KLHL20: variants seen among roughly 807,000 people sequenced by gnomAD.
KLHL20 encodes the protein kelch-like protein 20.
KLHL20 carries 29 observed loss-of-function variants against 69.5 expected under a neutral mutation model. The ratio of observed to expected loss-of-function variants is 0.42; its 90% CI spans 0.31 to 0.57. KLHL20 has a LOEUF of 0.57. KLHL20 is among the 20% of genes least tolerant of loss of function. The pLI, the probability that KLHL20 is intolerant of heterozygous loss-of-function variation, is 0.18. For missense variants in KLHL20, 419 were observed against 776.0 expected (o/e 0.54, Z 5.47); for synonymous variants, 253 against 265.2 (o/e 0.95, Z 0.45).
chr1:173,718,905 C>A (rs1368572949), intron 2 of KLHL20, among the ~76,000 whole-genome samples: 1 of 151,498 alleles, frequency 6.6e-6, no homozygotes, highest in Non-Finnish European at 1.5e-5. Flanking sequence ...GAGATCGAGA[C>A]CATCTTGGCT....
In KLHL20 at chr1:173,732,257, G is replaced by C. The variant is rs1270481523; in HGVS notation, c.24-1456G>C. Reference sequence around the variant, plus strand: ...TTAATCCCAGCTACTCAGGAGGACTGCTTGAGCCTAGGAGTTCAAGACCAG... The same window carrying C: ...TTAATCCCAGCTACTCAGGAGGACTCCTTGAGCCTAGGAGTTCAAGACCAG... On this transcript the variant is annotated intron_variant, in intron 2 of 11. Transcript: ENST00000209884. Among the ~76,000 whole-genome samples the C allele has an allele frequency of 2.0e-5, 3 of 151,420 alleles. No individual in the cohort carries two copies. In the East Asian group the frequency reaches 5.8e-4, roughly 29 times the overall value.
At chr1:173,778,070 C>CT (rs1648590736) in intron 10 of KLHL20, among the ~76,000 whole-genome samples, 3 of 151,284 alleles carry the variant, frequency 2.0e-5, no homozygotes, top group Admixed American at 6.6e-5. Context: ...ATTTTTTTTT[C>CT]TTTTTTTTAT....
intron 8 of KLHL20, among the ~76,000 whole-genome samples, chr1:173,774,057 T>G (rs993669643): frequency 2.0e-5 from 3 of 151,754 alleles, no homozygotes; most frequent in African/African-American, 7.3e-5. Flanking sequence ...TTATGTGAGC[T>G]GAAGTCATAG....
chr1:173,735,936 CTTTT>C (rs769632286), intron 3 of KLHL20, among the ~76,000 whole-genome samples: 14 of 105,978 alleles, frequency 1.3e-4, no homozygotes, highest in Non-Finnish European at 2.2e-4. Flanking sequence ...GCCATTCTAT[CTTTT>C]TTTTTTTTTT....
chr1:173,747,983 G>A (rs1207786621), intron 3 of KLHL20, among the ~76,000 whole-genome samples: 1 of 150,922 alleles, frequency 6.6e-6, no homozygotes, highest in Non-Finnish European at 1.5e-5. Flanking sequence ...AAATGAAAGA[G>A]AAGATATCAC....
chr1:173,756,123 ATATT>A, intron 6 of KLHL20, 85 bp downstream of exon 6: 1 of 918,342 alleles, frequency 1.1e-6, no homozygotes, highest in Non-Finnish European at 1.7e-6. Flanking sequence ...GACAATTATG[ATATT>A]TACTGTCATA....
At chr1:173,730,663 C>T (rs1672225741) in intron 2 of KLHL20, among the ~76,000 whole-genome samples, 1 of 152,210 alleles carries the variant, frequency 6.6e-6, no homozygotes, top group African/African-American at 2.4e-5. Context: ...AACTGGCTAG[C>T]TGTATGTAGA....
intron 2 of KLHL20, among the ~76,000 whole-genome samples, chr1:173,719,408 C>T (rs373093307): frequency 4.0e-5 from 6 of 151,858 alleles, no homozygotes; most frequent in East Asian, 1.9e-4. Context: ...GTCAAGAGAT[C>T]GAGACCATCC....
chr1:173,739,180 C>T (rs1173964301), intron 3 of KLHL20, among the ~76,000 whole-genome samples: 1 of 152,056 alleles, frequency 6.6e-6, no homozygotes, highest in Non-Finnish European at 1.5e-5. Context: ...TCAAGCGATT[C>T]TCCTGCCTTA....
At position 173,722,414 on chromosome 1, in the gene KLHL20, G is replaced by A. The variant is rs6661829; in HGVS notation, c.23+6348G>A. On this transcript the variant is annotated intron_variant, in intron 2 of 11. Transcript: ENST00000209884. Reference sequence around the variant, plus strand: ...AGGCAGGAGGATCACTTGAGGCCAGGAGTTCTAGACCAGCCTGGGAAACAG... The same window carrying A: ...AGGCAGGAGGATCACTTGAGGCCAGAAGTTCTAGACCAGCCTGGGAAACAG... Among the ~76,000 whole-genome samples the A allele has an allele frequency of 9.2e-3, 1,398 of 152,048 alleles. 20 individuals carry two copies. The highest frequency in any genetic ancestry group is 0.031 in the African/African-American group (1,271 of 41,498).
Position 173,782,218 on chromosome 1 carries a change from C to T in KLHL20, c.1733C>T (p.Ala578Val). The change falls in exon 11 of 12, where the codon GCC becomes GTC. Residue 578 changes from alanine (A) to valine (V), a missense_variant. Ala to Val is a moderately conservative substitution (Grantham distance 64). Coordinates refer to ENST00000209884, the MANE Select transcript of KLHL20 (RefSeq NM_014458.4). ...LKTIEVFDPD[A>V]NTWRLYGGMN... Reference sequence around the variant, plus strand: ...ACCATAGAAGTTTTTGATCCTGATGCCAATACATGGAGGTAACTTTTAAGC... The same window carrying T: ...ACCATAGAAGTTTTTGATCCTGATGTCAATACATGGAGGTAACTTTTAAGC... The T allele has an allele frequency of 6.2e-7, 1 of 1,612,298 alleles. No individual in the cohort carries two copies. The highest frequency in any genetic ancestry group is 8.5e-7 in the Non-Finnish European group (1 of 1,178,488).
At chr1:173,727,146 A>G (rs1040281827) in intron 2 of KLHL20, among the ~76,000 whole-genome samples, 7 of 152,250 alleles carry the variant, frequency 4.6e-5, no homozygotes, top group African/African-American at 1.7e-4. Flanking sequence ...AAAGGGTATC[A>G]GTGATGGAAG....
At chr1:173,738,193 C>G (rs959083464) in intron 3 of KLHL20, among the ~76,000 whole-genome samples, 1 of 152,018 alleles carries the variant, frequency 6.6e-6, no homozygotes, top group Non-Finnish European at 1.5e-5. Context: ...AATTTGGATG[C>G]TCTTTATTTC....
chr1:173,719,037 GGA>G (rs1671595334), intron 2 of KLHL20, among the ~76,000 whole-genome samples: 1 of 148,366 alleles, frequency 6.7e-6, no homozygotes, highest in African/African-American at 2.6e-5. Context: ...CCTGGGAGGC[GGA>G]GCTTGCAGTG....
intron 2 of KLHL20, among the ~76,000 whole-genome samples, chr1:173,732,196 C>CAAA (rs757983555): frequency 8.7e-6 from 1 of 114,466 alleles, no homozygotes; most frequent in Non-Finnish European, 1.8e-5. Context: ...GACTCTGTCT[C>CAAA]AAAAAAAAAA....
chr1:173,723,577 C>T (rs929186242), intron 2 of KLHL20, among the ~76,000 whole-genome samples: 6 of 152,134 alleles, frequency 3.9e-5, no homozygotes, highest in Admixed American at 3.3e-4. Flanking sequence ...CTGTAGTTCC[C>T]GTCAGTGCTA....
chr1:173,766,069 C>T, intron 7 of KLHL20, 77 bp from the exon 8 acceptor site: 1 of 1,147,806 alleles, frequency 8.7e-7, no homozygotes, highest in Non-Finnish European at 1.2e-6. Flanking sequence ...CATATAAATC[C>T]ATGGATTTAG....
chr1:173,759,842 A>G (rs1398007240), intron 7 of KLHL20, among the ~76,000 whole-genome samples: 1 of 152,128 alleles, frequency 6.6e-6, no homozygotes, highest in East Asian at 1.9e-4. Flanking sequence ...AAATCATACT[A>G]ATTCACCAGC....
chr1:173,774,745 C>A (rs1479955540), intron 9 of KLHL20, among the ~76,000 whole-genome samples: 19 of 138,098 alleles, frequency 1.4e-4, no homozygotes, highest in South Asian at 4.5e-4. Flanking sequence ...CTCCTCAAAA[C>A]CACAACGTAC....
Sources: allele counts gnomAD v4.1 joint callset (sites outside exome capture counted in the v4.1 genomes callset), GRCh38; gene constraint gnomAD v4.1.1; transcripts MANE v1.5; gene names NCBI Gene and HGNC (gene_info 2026-07-23, HGNC 2026-07-21).